SLC25A53: variants seen among roughly 807,000 people sequenced by gnomAD.
SLC25A53 encodes mitochondrial carrier triple repeat protein 6.
SLC25A53 carries 5 observed loss-of-function variants against 15.0 expected under a neutral mutation model. That is an observed-to-expected ratio of 0.33 (90% CI 0.17 to 0.70). The LOEUF (loss-of-function observed/expected upper bound fraction) is 0.70. Among genes scored for constraint, SLC25A53 ranks in the 30% least tolerant of loss-of-function variants. The pLI, the probability that SLC25A53 is intolerant of heterozygous loss-of-function variation, is 0.67. For missense variants in SLC25A53, 216 were observed against 241.6 expected (o/e 0.89, Z 0.70); for synonymous variants, 95 against 100.0 (o/e 0.95, Z 0.30).
intron 1 of SLC25A53, among the ~76,000 whole-genome samples, chrX:104,142,293 A>T (rs2075452807): frequency 8.9e-6 from 1 of 111,891 alleles, no homozygotes; most frequent in African/African-American, 3.3e-5. Context: ...ACTTCCATAC[A>T]TGTCATTGGA....
chrX:104,122,692 A>G (rs1440821611), intron 1 of SLC25A53, among the ~76,000 whole-genome samples: 1 of 111,988 alleles, frequency 8.9e-6, no homozygotes, highest in Non-Finnish European at 1.9e-5. Flanking sequence ...ACATTTTGCT[A>G]TACTGTACCA....
chrX:104,114,623 AC>A, intron 1 of SLC25A53: 1 of 1,211,909 alleles, frequency 8.3e-7, no homozygotes, highest in African/African-American at 1.7e-5. Context: ...AAAGATGCAA[AC>A]CAGACTCGCT....
chrX:104,121,908 T>TC (rs2075394928), intron 1 of SLC25A53, among the ~76,000 whole-genome samples: 961 of 33,535 alleles, frequency 0.029, 51 homozygotes, highest in East Asian at 0.045. Flanking sequence ...TATATATATA[T>TC]ATATATATAT....
Position 104,104,217 on chromosome X carries a change from G to A in SLC25A53, c.*117C>T. 1 of 631,383 alleles carries A rather than the reference G, an allele frequency of 1.6e-6. No homozygotes were observed. Among genetic ancestry groups the A allele is most frequent in the Admixed American group, 3.7e-5 (1 of 27,068 alleles). 52.0% of individuals were successfully genotyped at this position (631,383 alleles called of 1,213,427 possible). On this transcript the variant is annotated 3_prime_UTR_variant, in exon 2 of 2. Coordinates refer to ENST00000594199, the MANE Select transcript of SLC25A53 (RefSeq NM_001012755.5). ...TAGTTGGGAACTTCTCCCATGCAATGAGTTTATAGATGCTAAAGGATGGCT... is the reference window on the plus strand; with the variant it reads ...TAGTTGGGAACTTCTCCCATGCAATAAGTTTATAGATGCTAAAGGATGGCT...
intron 1 of SLC25A53, among the ~76,000 whole-genome samples, chrX:104,118,430 T>G (rs2075384296): frequency 8.9e-6 from 1 of 112,422 alleles, no homozygotes; most frequent in African/African-American, 3.2e-5. Flanking sequence ...TTTCCCTTCC[T>G]GATCCTTCCA....
intron 1 of SLC25A53, among the ~76,000 whole-genome samples, chrX:104,121,015 T>C (rs2075391420): frequency 8.9e-6 from 1 of 112,448 alleles, no homozygotes; most frequent in Non-Finnish European, 1.9e-5. Context: ...ATAAACAAGA[T>C]TTGGTCCTGA....
chrX:104,109,639 T>C (rs1309732346), intron 1 of SLC25A53, among the ~76,000 whole-genome samples: 3 of 111,732 alleles, frequency 2.7e-5, no homozygotes, highest in African/African-American at 9.8e-5. Flanking sequence ...AAAGAAGAGT[T>C]TTCATGGGCT....
At chrX:104,117,257 C>A (rs2075380518) in intron 1 of SLC25A53, among the ~76,000 whole-genome samples, 1 of 105,515 alleles carries the variant, frequency 9.5e-6, no homozygotes, top group African/African-American at 3.5e-5. Flanking sequence ...TCCCCGCAAT[C>A]TCATTCCTAT....
chrX:104,139,587 G>A (rs1602501923), intron 1 of SLC25A53, among the ~76,000 whole-genome samples: 1 of 111,682 alleles, frequency 9.0e-6, no homozygotes, highest in Non-Finnish European at 1.9e-5. Flanking sequence ...AGGCCAAGGC[G>A]GGCAGATCAC....
In SLC25A53 at chrX:104,102,936, G is replaced by C. The variant is rs1190353770; in HGVS notation, c.*1398C>G. The C allele has an allele frequency of 5.4e-5, 6 of 110,113 alleles. No homozygotes were observed. Among genetic ancestry groups the C allele is most frequent in the African/African-American group, 2.0e-4 (6 of 30,167 alleles). 9.1% of individuals were successfully genotyped at this position (110,113 alleles called of 1,213,427 possible). A position where few individuals can be genotyped will look rare whatever the true frequency, so the allele number is the denominator to read the frequency against. On this transcript the variant is annotated 3_prime_UTR_variant, in exon 2 of 2. Transcript: ENST00000594199. ...GATCACCTGATGAGGTTGGGAGTTC[G>C]AGACCAGCCTGACCAACATGGAGAG...
chrX:104,154,302 C>T (rs370495751), intron 1 of SLC25A53, among the ~76,000 whole-genome samples: 1 of 112,100 alleles, frequency 8.9e-6, no homozygotes, highest in Non-Finnish European at 1.9e-5. Context: ...TATCTCACAC[C>T]TTCCAGAATG....
intron 1 of SLC25A53, among the ~76,000 whole-genome samples, chrX:104,125,568 C>A (rs1556364098): frequency 8.9e-6 from 1 of 112,173 alleles, no homozygotes; most frequent in Admixed American, 9.5e-5. Flanking sequence ...CCATTCCTCA[C>A]AACAACCCCT....
intron 1 of SLC25A53, among the ~76,000 whole-genome samples, chrX:104,130,291 T>C (rs1009769171): frequency 8.1e-5 from 9 of 111,195 alleles, no homozygotes; most frequent in South Asian, 3.8e-4. Context: ...CTGTATTATT[T>C]TGAGAGCCCA....
rs5962973 is a variant in SLC25A53 at position 104,100,041 on chromosome X, T to G, written c.*4293A>C. The G allele has an allele frequency of 3.8e-3, 421 of 112,132 alleles. 5 individuals carry two copies. Among genetic ancestry groups the G allele is most frequent in the African/African-American group, 0.013 (399 of 30,895 alleles). The allele number at this position is 112,132 out of a possible 1,213,427, so 9.2% of individuals were successfully genotyped here. A position where few individuals can be genotyped will look rare whatever the true frequency, so the allele number is the denominator to read the frequency against. ...TTTTCTGAAAGCTTTTTATATTGTT[T>G]CTGATTTATTATGCTTTTTCTCTCA... is the stretch of plus-strand genomic sequence containing the variant. On this transcript the variant is annotated 3_prime_UTR_variant, in exon 2 of 2. Transcript: ENST00000594199.
chrX:104,122,158 T>G (rs1004942722), intron 1 of SLC25A53, among the ~76,000 whole-genome samples: 4 of 106,805 alleles, frequency 3.7e-5, no homozygotes, highest in Non-Finnish European at 5.8e-5. Context: ...AAATTCACCA[T>G]TTTGACCATT....
intron 1 of SLC25A53, among the ~76,000 whole-genome samples, chrX:104,152,540 C>T (rs945642467): frequency 1.8e-5 from 2 of 110,668 alleles, no homozygotes; most frequent in South Asian, 3.9e-4. Context: ...CAGGTTCAAG[C>T]GATTCTCCTG....
intron 1 of SLC25A53, among the ~76,000 whole-genome samples, chrX:104,129,805 T>C (rs1479527756): frequency 9.3e-6 from 1 of 107,115 alleles, no homozygotes; most frequent in Non-Finnish European, 1.9e-5. Context: ...TAAATATATA[T>C]GTAGTTTTAT....
At chrX:104,113,890 A>G (rs782400404) in intron 1 of SLC25A53, 2 of 473,227 alleles carry the variant, frequency 4.2e-6, no homozygotes, top group Non-Finnish European at 6.9e-6. Flanking sequence ...CTGGGCAGAT[A>G]TAAAATGCAC....
chrX:104,108,159 T>C (rs2075321230), intron 1 of SLC25A53, among the ~76,000 whole-genome samples: 1 of 111,889 alleles, frequency 8.9e-6, no homozygotes, highest in Admixed American at 9.4e-5. Flanking sequence ...TTCTCCCATG[T>C]ATTTTCTGTT....
Sources: allele counts gnomAD v4.1 joint callset (sites outside exome capture counted in the v4.1 genomes callset), GRCh38; gene constraint gnomAD v4.1.1; transcripts MANE v1.5; gene names NCBI Gene and HGNC (gene_info 2026-07-23, HGNC 2026-07-21).